Variants in GHR observed in about 807,000 individuals in gnomAD.
GHR encodes the protein GH receptor.
A neutral mutation model predicts 67.1 loss-of-function variants in GHR; 35 were observed. The ratio of observed to expected loss-of-function variants is 0.52; its 90% CI spans 0.40 to 0.69. GHR has a LOEUF of 0.69. Ranked by LOEUF, GHR falls within the 30% of genes least tolerant of loss-of-function variation. The pLI is 0.00. For missense variants in GHR, 792 were observed against 764.6 expected (o/e 1.04, Z -0.42); for synonymous variants, 272 against 269.1 (o/e 1.01, Z -0.10).
At chr5:42,554,439 C>T (rs1749202268) in intron 1 of GHR, among the ~76,000 whole-genome samples, 1 of 152,152 alleles carries the variant, frequency 6.6e-6, no homozygotes, top group Non-Finnish European at 1.5e-5. Context: ...CACCCTACTT[C>T]TTGCTTTAGT....
intron 1 of GHR, among the ~76,000 whole-genome samples, chr5:42,428,228 A>G (rs1343611288): frequency 6.6e-6 from 1 of 152,222 alleles, no homozygotes; most frequent in Admixed American, 6.5e-5. Context: ...CTGCAGGACC[A>G]ACACCACATG....
At chr5:42,532,855 T>C (rs149398912) in intron 1 of GHR, among the ~76,000 whole-genome samples, 11 of 152,294 alleles carry the variant, frequency 7.2e-5, no homozygotes, top group East Asian at 3.9e-4. Context: ...AGAATTTGAA[T>C]TGATACAATT....
chr5:42,495,052 T>C (rs566086703), intron 1 of GHR, among the ~76,000 whole-genome samples: 196 of 134,462 alleles, frequency 1.5e-3, no homozygotes, highest in Admixed American at 3.4e-3. Context: ...GGTATAGAAC[T>C]AAGTGACACA....
chr5:42,555,140 T>C (rs1561118674), intron 1 of GHR, among the ~76,000 whole-genome samples: 1 of 152,128 alleles, frequency 6.6e-6, no homozygotes, highest in Non-Finnish European at 1.5e-5. Flanking sequence ...TATTTTTACA[T>C]AGAAGCTTAA....
chr5:42,651,777 C>T (rs577452133), intron 3 of GHR, among the ~76,000 whole-genome samples: 2 of 152,138 alleles, frequency 1.3e-5, no homozygotes, highest in South Asian at 2.1e-4. Context: ...AATATGAGTA[C>T]TTTTTTTAAT....
intron 1 of GHR, among the ~76,000 whole-genome samples, chr5:42,459,468 C>G (rs1339506153): frequency 2.0e-5 from 3 of 152,092 alleles, no homozygotes; most frequent in Non-Finnish European, 2.9e-5. Flanking sequence ...ACATTGGGTA[C>G]ATATGAACAC....
At chr5:42,711,398 G>A (rs781098682) in intron 7 of GHR, 26 bp downstream of exon 7, 14 of 1,547,762 alleles carry the variant, frequency 9.0e-6, no homozygotes, top group African/African-American at 1.4e-5. Context: ...GATTAAAATA[G>A]TAGCTAACCT....
chr5:42,447,109 A>T (rs1432476434), intron 1 of GHR, among the ~76,000 whole-genome samples: 3 of 152,164 alleles, frequency 2.0e-5, no homozygotes, highest in African/African-American at 7.2e-5. Context: ...TGGCTTTGTC[A>T]ACAGTGATCT....
At position 42,629,219 on chromosome 5, in the gene GHR, G is replaced by T; in HGVS notation, c.136+116G>T. 3.0e-6 allele frequency: 2 copies of T among 664,958 alleles called. 1 individual carries two copies. The allele number at this position is 664,958 out of a possible 1,614,324, so 41.2% of individuals were successfully genotyped here. On this transcript the variant is annotated intron_variant, in intron 3 of 9. Transcript: ENST00000230882. ...TGGTAGTAACTGGAATAGTGACTGA[G>T]TTGAAATTTTATAGGCAAGCAAAAC...
At position 42,425,028 on chromosome 5, in the gene GHR, G is replaced by A. The variant is rs1742790649; in HGVS notation, c.-12+1073G>A. 13 of 985,110 alleles carry A rather than the reference G, an allele frequency of 1.3e-5. No individual in the cohort carries two copies. The South Asian group carries it at 3.8e-4, about 28-fold the overall frequency. 61.0% of individuals were successfully genotyped at this position (985,110 alleles called of 1,614,324 possible). A position where few individuals can be genotyped will look rare whatever the true frequency, so the allele number is the denominator to read the frequency against. On this transcript the variant is annotated intron_variant, in intron 1 of 9. Transcript: ENST00000230882. The stretch of plus-strand genomic sequence containing the variant: ...TGTGCCGCCAGGAGACCTTGGAAGG[G>A]ACAGAGAAAGGTAACGGAAGGCCAA...
Position 42,688,900 on chromosome 5 carries a change from G to A in GHR, c.147G>A (p.Lys49=), listed in dbSNP as rs1268810025. The A allele has an allele frequency of 1.2e-6, 2 of 1,613,814 alleles. No homozygotes were observed. Among genetic ancestry groups the A allele is most frequent in the Non-Finnish European group, 1.7e-6 (2 of 1,179,828 alleles). ...CTTTTTATTCTGCAGATTCTTCTAA[G>A]GAGCCTAAATTCACCAAGTGCCGTT... The part of the protein sequence containing the change: ...VNPGLKTNSS[K]EPKFTKCRSP... The change falls in exon 4 of 10, where the codon AAG becomes AAA. Residue 49 remains lysine, a synonymous_variant. Coordinates refer to ENST00000230882, the MANE Select transcript of GHR (RefSeq NM_000163.5).
chr5:42,531,666 T>C (rs1024005171), intron 1 of GHR, among the ~76,000 whole-genome samples: 1 of 152,214 alleles, frequency 6.6e-6, no homozygotes, highest in Non-Finnish European at 1.5e-5. Flanking sequence ...ACTATATTAT[T>C]ATTTTGATGT....
intron 2 of GHR, among the ~76,000 whole-genome samples, chr5:42,581,535 A>G (rs1321586997): frequency 6.6e-6 from 1 of 152,230 alleles, no homozygotes; most frequent in Non-Finnish European, 1.5e-5. Context: ...TGAAAGTTGG[A>G]AGGGACCTCA....
At chr5:42,594,007 A>G (rs1223501215) in intron 2 of GHR, among the ~76,000 whole-genome samples, 1 of 152,210 alleles carries the variant, frequency 6.6e-6, no homozygotes, top group African/African-American at 2.4e-5. Flanking sequence ...AATCCATTGC[A>G]GTGCTCAAAT....
intron 1 of GHR, among the ~76,000 whole-genome samples, chr5:42,470,040 C>A (rs1744928354): frequency 7.3e-6 from 1 of 136,912 alleles, no homozygotes. Context: ...TATATATATA[C>A]TACTAATATA....
intron 3 of GHR, among the ~76,000 whole-genome samples, chr5:42,653,763 T>C (rs1755119838): frequency 1.3e-5 from 2 of 152,254 alleles, no homozygotes; most frequent in African/African-American, 4.8e-5. Flanking sequence ...TCTCTGTCCA[T>C]GGAAGATGTG....
At position 42,618,065 on chromosome 5, in the gene GHR, G is replaced by A. The variant is rs77315744; in HGVS notation, c.71-10973G>A. Among the ~76,000 whole-genome samples, 949 of 152,060 alleles carry A rather than the reference G, an allele frequency of 6.2e-3. 12 individuals carry two copies. The highest frequency in any genetic ancestry group is 0.021 in the African/African-American group (871 of 41,480). On this transcript the variant is annotated intron_variant, in intron 2 of 9. Coordinates refer to ENST00000230882, the MANE Select transcript of GHR (RefSeq NM_000163.5). ...ATAAAGGATACTTCTCAATAGAGCC[G>A]AGAACTTCAGAAGGCACAACAAAAA... is the stretch of plus-strand genomic sequence containing the variant.
intron 1 of GHR, among the ~76,000 whole-genome samples, chr5:42,446,308 G>A (rs1419800977): frequency 6.6e-6 from 1 of 152,178 alleles, no homozygotes; most frequent in East Asian, 1.9e-4. Context: ...AGTTCTGTAA[G>A]AGGCCAACAG....
rs117120830 is a variant in GHR at position 42,464,771 on chromosome 5, G to A, written c.-12+40816G>A. Among the ~76,000 whole-genome samples, 95 of 152,242 alleles carry A rather than the reference G, an allele frequency of 6.2e-4. 2 individuals are homozygous for A. In the East Asian group the frequency reaches 0.018, roughly 29 times the overall value. The stretch of plus-strand genomic sequence containing the variant: ...ATCTAAATTATGAATGGCTGTGTGT[G>A]CACACACACAGGATGCACTTACTAA... On this transcript the variant is annotated intron_variant, in intron 1 of 9. Transcript: ENST00000230882.
Sources: allele counts gnomAD v4.1 joint callset (sites outside exome capture counted in the v4.1 genomes callset), GRCh38; gene constraint gnomAD v4.1.1; transcripts MANE v1.5; gene names NCBI Gene and HGNC (gene_info 2026-07-23, HGNC 2026-07-21).